Variants in IGSF10 observed in about 807,000 individuals in gnomAD.
The protein encoded by IGSF10 is calvaria mechanical force protein 608.
Under a neutral mutation model 128.2 loss-of-function variants are expected in IGSF10, and 126 were observed. The observed-to-expected ratio is 0.98, with a 90% confidence interval of 0.85 to 1.14. The LOEUF is 1.14. Ranked by LOEUF, IGSF10 falls within the 50% of genes most tolerant of loss-of-function variation. IGSF10 has a pLI of 0.00. For synonymous variants in IGSF10, 1,185 were observed against 1,146.2 expected, an observed-to-expected ratio of 1.03 and a Z score of -0.68; for missense variants, 3,295 against 3,149.8, an observed-to-expected ratio of 1.05 and a Z score of -1.10.
the IGSF10 span, among the ~76,000 whole-genome samples, chr3:151,609,417 A>T: frequency 6.6e-5 from 10 of 152,282 alleles, no homozygotes; most frequent in Non-Finnish European, 1.2e-4. Flanking sequence ...ACACTCTGAG[A>T]AGCCGGATGG....
rs1560183550 is a variant in IGSF10 at position 151,458,656 on chromosome 3, GATCA to G, written c.50_53del (p.Val17AlafsTer31). 3 of 1,614,066 alleles carry G rather than the reference GATCA, an allele frequency of 1.9e-6. No individual in the cohort carries two copies. The highest frequency in any genetic ancestry group is 2.5e-6 in the Non-Finnish European group (3 of 1,180,038). ...TGCCCCCAGGGGTGGCGACCAGGCAGATCACAGCAAAGGAGACCAGCAAGCAGGT... is the reference window on the plus strand; with the variant it reads ...TGCCCCCAGGGGTGGCGACCAGGCAGCAGCAAAGGAGACCAGCAAGCAGGT... On this transcript the variant is annotated frameshift_variant, in exon 3 of 8. Transcript: ENST00000282466. LOFTEE classifies it high-confidence loss of function.
downstream of IGSF10, chr3:151,432,775 A>G: frequency 6.2e-7 from 1 of 1,613,062 alleles, no homozygotes; most frequent in Non-Finnish European, 8.5e-7. Flanking sequence ...GCAAGGAGTG[A>G]CTCCGTATGG....
At chr3:151,488,937 C>T in the IGSF10 span, among the ~76,000 whole-genome samples, 209 of 152,264 alleles carry the variant, frequency 1.4e-3, 1 homozygote, top group East Asian at 0.035. Flanking sequence ...GACTGACACA[C>T]AAAAAGCAAT....
At chr3:151,540,427 AT>A in the IGSF10 span, among the ~76,000 whole-genome samples, 3 of 152,006 alleles carry the variant, frequency 2.0e-5, no homozygotes, top group Admixed American at 6.6e-5. Flanking sequence ...GCTTAACATT[AT>A]TTTTTTGAGG....
At position 151,438,083 on chromosome 3, in the gene IGSF10, C is replaced by G. The variant is rs141846864; in HGVS notation, c.6478G>C (p.Val2160Leu). The G allele has an allele frequency of 9.3e-6, 15 of 1,614,226 alleles. No homozygotes were observed. Among genetic ancestry groups the G allele is most frequent in the Non-Finnish European group, 1.3e-5 (15 of 1,180,044 alleles). The change falls in exon 8 of 8, where the codon GTC becomes CTC. Residue 2160 changes from valine to leucine, a missense_variant. Transcript: ENST00000282466. ...TCCCCAGTGACCTCACAGTCAAGGA[C>G]AGCTGTGTCTCCAGCTTTGATTCTC... ...NKRIKAGDTA[V>L]LDCEVTGDPK...
At chr3:151,618,742 A>T in the IGSF10 span, among the ~76,000 whole-genome samples, 1,657 of 151,002 alleles carry the variant, frequency 0.011, 11 homozygotes, top group Middle Eastern at 0.021. Flanking sequence ...AAAAAAATAA[A>T]AAATAAAAAA....
chr3:151,436,817 C>T lies in IGSF10; in HGVS notation c.7744G>A (p.Glu2582Lys), dbSNP rs376705431. The change falls in exon 8 of 8, where the codon GAG becomes AAG. Residue 2582 changes from glutamate (E) to lysine (K), a missense_variant. Transcript: ENST00000282466. ...TASKERTHGS[E>K]QLHLQGTLVI... ...AGGGTACCTTGTAAGTGAAGCTGCT[C>T]ACTTCCATGTGTCCTCTCTTTACTT... 4 of 1,614,148 alleles carry T rather than the reference C, an allele frequency of 2.5e-6. No individual in the cohort carries two copies. Among genetic ancestry groups the T allele is most frequent in the African/African-American group, 1.3e-5 (1 of 75,030 alleles).
At chr3:151,577,333 T>C in the IGSF10 span, among the ~76,000 whole-genome samples, 4 of 152,184 alleles carry the variant, frequency 2.6e-5, no homozygotes, top group Non-Finnish European at 5.9e-5. Context: ...ATAGCCCATG[T>C]CCGCCCATAT....
the IGSF10 span, among the ~76,000 whole-genome samples, chr3:151,517,436 A>G: frequency 1.3e-5 from 2 of 152,004 alleles, no homozygotes; most frequent in Non-Finnish European, 2.9e-5. Context: ...CCTGATAGTC[A>G]TAATAGCAGT....
In IGSF10 at chr3:151,445,053, T is replaced by A; in HGVS notation, c.4928A>T (p.Tyr1643Phe). 6.2e-7 allele frequency: 1 copy of A among 1,614,192 alleles called. No homozygotes were observed. The highest frequency in any genetic ancestry group is 1.6e-4 in the Middle Eastern group (1 of 6,062). The change falls in exon 6 of 8, where the codon TAT becomes TTT. Residue 1643 changes from tyrosine to phenylalanine, a missense_variant. Transcript: ENST00000282466. Reference sequence around the variant, plus strand: ...AACTATCCTGGGCTTTTCAAATATATACCTAGACAAAGAGTCAAAGGGAAG... The same window carrying A: ...AACTATCCTGGGCTTTTCAAATATAAACCTAGACAAAGAGTCAAAGGGAAG... ...KLLPFDSLSR[Y>F]IFEKPRIVGG...
At chr3:151,433,003 A>G, downstream of IGSF10, 1 of 537,612 alleles carries the variant, frequency 1.9e-6, no homozygotes, top group Middle Eastern at 5.0e-4. Context: ...ATTTTGTTGA[A>G]TTCACCTTTA....
chr3:151,579,658 T>C, the IGSF10 span, among the ~76,000 whole-genome samples: 1 of 151,200 alleles, frequency 6.6e-6, no homozygotes, highest in Non-Finnish European at 1.5e-5. Flanking sequence ...TATGGTCTAA[T>C]ATATGAGCAA....
intron 2 of IGSF10, 70 bp from the exon 3 acceptor site, chr3:151,458,780 C>G: frequency 4.6e-6 from 6 of 1,306,288 alleles, no homozygotes; most frequent in Non-Finnish European, 6.4e-6. Context: ...CACACACTCA[C>G]TCTGGGAATC....
the IGSF10 span, among the ~76,000 whole-genome samples, chr3:151,515,722 CGTGTGT>C: frequency 0.77 from 113,850 of 147,010 alleles, 44,041 homozygotes; most frequent in Middle Eastern, 0.89. Context: ...AATTATATTA[CGTGTGT>C]GTGTGTGTGT....
chr3:151,449,472 G>C (rs1417543937), intron 5 of IGSF10, among the ~76,000 whole-genome samples: 1 of 152,172 alleles, frequency 6.6e-6, no homozygotes, highest in Non-Finnish European at 1.5e-5. Flanking sequence ...CATAGACATA[G>C]GATTTTGTCT....
chr3:151,523,345 G>A, the IGSF10 span, among the ~76,000 whole-genome samples: 5 of 152,020 alleles, frequency 3.3e-5, no homozygotes, highest in African/African-American at 1.2e-4. Flanking sequence ...CAAAAAAAGA[G>A]CCCACATACA....
chr3:151,534,318 G>A, the IGSF10 span, among the ~76,000 whole-genome samples: 9 of 152,126 alleles, frequency 5.9e-5, no homozygotes, highest in African/African-American at 2.2e-4. Flanking sequence ...ATACCCAAAG[G>A]ATTATAAATC....
chr3:151,613,786 C>T, the IGSF10 span, among the ~76,000 whole-genome samples: 1 of 152,176 alleles, frequency 6.6e-6, no homozygotes, highest in Non-Finnish European at 1.5e-5. Flanking sequence ...ATGTCTAAAA[C>T]ACCAAAAGCA....
In IGSF10 at chr3:151,445,555, G is replaced by C. The variant is rs768595263; in HGVS notation, c.4426C>G (p.Pro1476Ala). Residue 1476 changes from proline to alanine, a missense_variant, in exon 6 of 8, where the codon CCC becomes GCC. Pro to Ala is a conservative substitution (Grantham distance 27). Coordinates refer to ENST00000282466, the MANE Select transcript of IGSF10 (RefSeq NM_178822.5). ...LSSSATLMPV[P>A]ISPPFTQRAV... ...CTCTGAGTAAAGGGAGGGGAGATGG[G>C]AACTGGCATTAGAGTAGCACTGCTG... 6.2e-7 allele frequency: 1 copy of C among 1,614,114 alleles called. No individual in the cohort carries two copies. The highest frequency in any genetic ancestry group is 1.1e-5 in the South Asian group (1 of 91,084).
Sources: allele counts gnomAD v4.1 joint callset (sites outside exome capture counted in the v4.1 genomes callset), GRCh38; gene constraint gnomAD v4.1.1; transcripts MANE v1.5; gene names NCBI Gene and HGNC (gene_info 2026-07-23, HGNC 2026-07-21).